Variants in HEATR5B observed in about 807,000 individuals in gnomAD.
The protein encoded by HEATR5B is HEAT repeat-containing protein 5B.
A neutral mutation model predicts 224.1 loss-of-function variants in HEATR5B; 156 were observed. The ratio of observed to expected loss-of-function variants is 0.70; its 90% confidence interval spans 0.61 to 0.80. HEATR5B has a LOEUF of 0.80. Ranked by LOEUF, HEATR5B falls within the 30% of genes least tolerant of loss-of-function variation. HEATR5B has a pLI of 0.00. For missense variants in HEATR5B, 2,323 were observed against 2,535.5 expected (o/e 0.92, Z 1.80); for synonymous variants, 1,027 against 893.0 (o/e 1.15, Z -2.68).
intron 24 of HEATR5B, among the ~76,000 whole-genome samples, chr2:37,026,442 C>A (rs1053937132): frequency 6.6e-6 from 1 of 152,188 alleles, no homozygotes; most frequent in African/African-American, 2.4e-5. Context: ...CTAACCCTTT[C>A]TCTGCCTTTA....
chr2:37,070,896 G>A (rs555598142), intron 6 of HEATR5B, among the ~76,000 whole-genome samples: 1 of 152,260 alleles, frequency 6.6e-6, no homozygotes, highest in South Asian at 2.1e-4. Flanking sequence ...CTGCAGAGGA[G>A]GTATAAAGCT....
intron 7 of HEATR5B, 61 bp from the exon 8 acceptor site, chr2:37,068,991 T>A: frequency 6.7e-7 from 1 of 1,486,696 alleles, no homozygotes; most frequent in Non-Finnish European, 9.1e-7. Context: ...AAATCAAAGA[T>A]AAAGCAACTA....
chr2:37,057,479 T>G lies in HEATR5B; in HGVS notation c.2061A>C (p.Gly687=). The G allele has an allele frequency of 6.3e-7, 1 of 1,597,450 alleles. No homozygotes were observed. Among genetic ancestry groups the G allele is most frequent in the Non-Finnish European group, 8.5e-7 (1 of 1,174,232 alleles). The change falls in exon 15 of 36, where the codon GGA becomes GGC. Residue 687 remains glycine (G), a splice_region_variant and synonymous_variant. Transcript: ENST00000233099. ...GTTCTCTAAGAAGTGCATTAAAAGA[T>G]CCTAAAAAACAGAACTTCAGATCAG... ...LALLPPKTYE[G]SFNALLRELV...
intron 32 of HEATR5B, 133 bp from the exon 33 acceptor site, chr2:37,000,946 T>C (rs1667052583): frequency 1.6e-6 from 1 of 614,940 alleles, no homozygotes; most frequent in East Asian, 2.7e-5. Context: ...CAAAATTTAC[T>C]GTATTACTAC....
Position 37,045,232 on chromosome 2 carries a change from A to G in HEATR5B, c.2697-3940T>C, listed in dbSNP as rs78139312. ...TTTCTATTGATTGATGTTTTCTCCAAGTAAGAGGTTTTATCTTTCTGCTTC... is the reference window on the plus strand; with the variant it reads ...TTTCTATTGATTGATGTTTTCTCCAGGTAAGAGGTTTTATCTTTCTGCTTC... On this transcript the variant is annotated intron_variant, in intron 18 of 35. Coordinates refer to ENST00000233099, the MANE Select transcript of HEATR5B (RefSeq NM_019024.3). 3.0e-3 allele frequency among the ~76,000 whole-genome samples: 458 copies of G among 151,862 alleles called. 2 individuals are homozygous for G. The highest frequency in any genetic ancestry group is 3.6e-3 in the Non-Finnish European group (246 of 67,926).
intron 6 of HEATR5B, among the ~76,000 whole-genome samples, chr2:37,071,076 T>C (rs1237664036): frequency 1.3e-5 from 2 of 152,218 alleles, no homozygotes; most frequent in Non-Finnish European, 2.9e-5. Flanking sequence ...GAGGATTAAA[T>C]TTTGTAATAC....
chr2:37,058,520 C>T lies in HEATR5B; in HGVS notation c.1990G>A (p.Ala664Thr). ...VMKAHGAHLK[A>T]SAAMVRLRLY... ...CTTAAACGGACCATTGCAGCACTAG[C>T]TTTCAGATGAGCTCCATGGGCTTTC... The change falls in exon 14 of 36, where the codon GCT (alanine) becomes ACT (threonine). Residue 664 changes from alanine to threonine, a missense_variant. By Grantham distance (58) the Ala-to-Thr change is moderately conservative. This residue lies in a region of HEATR5B where 502 missense variants were observed against 517.8 expected (regional missense o/e 0.97). Transcript: ENST00000233099. 1 of 1,613,280 alleles carries T rather than the reference C, an allele frequency of 6.2e-7. No homozygotes were observed. The highest frequency in any genetic ancestry group is 8.5e-7 in the Non-Finnish European group (1 of 1,179,304).
chr2:37,068,818 T>A lies in HEATR5B; in HGVS notation c.1040A>T (p.His347Leu). ...TCGTCTGGAGTACACAGCCTCCACA[T>A]GTGTTTGTGTTGCCCGAGGATGGGA... Reference protein sequence around the residue: ...LVSHPRATQTHVEAVYSRRCV... With the variant: ...LVSHPRATQTLVEAVYSRRCV... Residue 347 changes from histidine to leucine, a missense_variant, in exon 8 of 36, where the codon CAT becomes CTT. His to Leu is a moderately conservative substitution (Grantham distance 99, BLOSUM62 -3). Transcript: ENST00000233099. 1 of 1,614,146 alleles carries A rather than the reference T, an allele frequency of 6.2e-7. No individual in the cohort carries two copies. The highest frequency in any genetic ancestry group is 8.5e-7 in the Non-Finnish European group (1 of 1,180,014).
intron 2 of HEATR5B, among the ~76,000 whole-genome samples, chr2:37,080,674 TAAGA>T (rs1672501277): frequency 6.6e-6 from 1 of 151,460 alleles, no homozygotes; most frequent in South Asian, 2.1e-4. Flanking sequence ...GCCACTTAGA[TAAGA>T]AAGAGGTGGA....
At position 37,057,451 on chromosome 2, in the gene HEATR5B, C is replaced by A; in HGVS notation, c.2089G>T (p.Val697Leu). 1 of 1,609,642 alleles carries A rather than the reference C, an allele frequency of 6.2e-7. No individual in the cohort carries two copies. The highest frequency in any genetic ancestry group is 1.1e-5 in the South Asian group (1 of 89,996). ...TTGTCAGTCAAAGTGAATTCCGCTACCAGTTCTCTAAGAAGTGCATTAAAA... is the reference window on the plus strand; with the variant it reads ...TTGTCAGTCAAAGTGAATTCCGCTAACAGTTCTCTAAGAAGTGCATTAAAA... The part of the protein sequence containing the change: ...GSFNALLREL[V>L]AEFTLTDNSA... Residue 697 changes from valine to leucine, a missense_variant, in exon 15 of 36, where the codon GTA becomes TTA. Val to Leu is a conservative substitution (Grantham distance 32). Coordinates refer to ENST00000233099, the MANE Select transcript of HEATR5B (RefSeq NM_019024.3).
chr2:37,046,917 G>C (rs1382061853), intron 18 of HEATR5B, among the ~76,000 whole-genome samples: 1 of 150,934 alleles, frequency 6.6e-6, no homozygotes, highest in Non-Finnish European at 1.5e-5. Flanking sequence ...GGGCATGGTG[G>C]CCTGCACCTG....
At chr2:36,983,254 C>T (rs1038923686) in intron 35 of HEATR5B, among the ~76,000 whole-genome samples, 2 of 151,478 alleles carry the variant, frequency 1.3e-5, no homozygotes, top group Admixed American at 6.6e-5. Context: ...TAGGGGTAGG[C>T]GCGGTGGGCT....
In HEATR5B at chr2:37,007,201, T is replaced by G. The variant is rs1667477235; in HGVS notation, c.4626A>C (p.Thr1542=). 1 of 1,614,016 alleles carries G rather than the reference T, an allele frequency of 6.2e-7. No individual in the cohort carries two copies. The highest frequency in any genetic ancestry group is 1.3e-5 in the African/African-American group (1 of 74,910). ...CTGTAGACTCTGAGCACGTAAATCCTGTGCTATTTAACCAAAGTGCCACCG... is the reference window on the plus strand; with the variant it reads ...CTGTAGACTCTGAGCACGTAAATCCGGTGCTATTTAACCAAAGTGCCACCG... The part of the protein sequence containing the change: ...LHAVALWLNS[T]GFTCSESTEA... The change falls in exon 29 of 36, where the codon ACA becomes ACC. Residue 1542 remains threonine (T), a synonymous_variant. Coordinates refer to ENST00000233099, the MANE Select transcript of HEATR5B (RefSeq NM_019024.3).
chr2:37,016,374 G>T (rs1668119248), intron 26 of HEATR5B, among the ~76,000 whole-genome samples: 2 of 152,070 alleles, frequency 1.3e-5, no homozygotes, highest in African/African-American at 4.8e-5. Flanking sequence ...GCCTCCCAAA[G>T]TGCTGGCATT....
intron 17 of HEATR5B, among the ~76,000 whole-genome samples, chr2:37,050,929 T>A (rs372431402): frequency 5.9e-5 from 9 of 151,838 alleles, no homozygotes; most frequent in African/African-American, 1.7e-4. Context: ...TAATCCCAGC[T>A]ACTCAGCAGA....
At chr2:36,985,849 T>C (rs1479357330) in intron 35 of HEATR5B, among the ~76,000 whole-genome samples, 1 of 152,092 alleles carries the variant, frequency 6.6e-6, no homozygotes, top group Admixed American at 6.6e-5. Flanking sequence ...TTTGGTTGTT[T>C]TATATCTTAA....
chr2:37,038,915 GT>G lies in HEATR5B; in HGVS notation c.3047-892del, dbSNP rs1440915766. ...ACTCTGTCTCCCTGGGGTGGGGGGG[GT>G]GGGGAATCACATATTTTTCAATTTC... On this transcript the variant is annotated intron_variant, in intron 20 of 35. Transcript: ENST00000233099. Among the ~76,000 whole-genome samples the G allele has an allele frequency of 8.9e-4, 92 of 103,050 alleles. 6 individuals are homozygous for G. In the East Asian group the frequency reaches 0.018, roughly 20 times the overall value. 67.6% of individuals were successfully genotyped at this position (103,050 alleles called of 152,430 possible). A position where few individuals can be genotyped will look rare whatever the true frequency, so the allele number is the denominator to read the frequency against.
chr2:37,029,760 G>A (rs992071468), intron 22 of HEATR5B, among the ~76,000 whole-genome samples: 1 of 151,912 alleles, frequency 6.6e-6, no homozygotes, highest in Non-Finnish European at 1.5e-5. Context: ...CCAAGATGGT[G>A]AAATCCTGCC....
intron 8 of HEATR5B, among the ~76,000 whole-genome samples, chr2:37,067,909 TGATA>T (rs986879841): frequency 5.5e-4 from 84 of 152,314 alleles, no homozygotes; most frequent in African/African-American, 2.0e-3. Context: ...AATAAATTAT[TGATA>T]TTTATTCATT....
Sources: gnomAD v4.1 joint callset for allele counts (sites outside exome capture counted in the v4.1 genomes callset) on GRCh38, gnomAD v4.1.1 for gene constraint, gnomAD v4.1.1 regional missense constraint, MANE v1.5 for transcripts, NCBI Gene and HGNC (gene_info 2026-07-23, HGNC 2026-07-21) for gene names.